KHDRBS2: variants seen among roughly 807,000 people sequenced by gnomAD.
KHDRBS2 encodes the protein KH domain-containing, RNA-binding, signal transduction-associated protein 2.
In KHDRBS2, 26 loss-of-function variants were observed where a neutral mutation model predicts 44.3. The ratio of observed to expected loss-of-function variants is 0.59; its 90% confidence interval spans 0.43 to 0.81. The LOEUF (loss-of-function observed/expected upper bound fraction) is 0.81. Ranked by LOEUF, KHDRBS2 falls within the 40% of genes least tolerant of loss-of-function variation. The pLI is 0.00. For missense variants in KHDRBS2, 476 were observed against 433.1 expected, an observed-to-expected ratio of 1.10 and a Z score of -0.88; for synonymous variants, 194 against 151.1, an observed-to-expected ratio of 1.28 and a Z score of -2.08.
intron 6 of KHDRBS2, among the ~76,000 whole-genome samples, chr6:61,744,445 C>T (rs1776594970): frequency 6.6e-6 from 1 of 152,062 alleles, no homozygotes; most frequent in Non-Finnish European, 1.5e-5. Flanking sequence ...AAGTGCAGTC[C>T]TGATAAATCA....
At chr6:61,646,321 G>C in the KHDRBS2 span, among the ~76,000 whole-genome samples, 53 of 152,238 alleles carry the variant, frequency 3.5e-4, no homozygotes, top group African/African-American at 1.2e-3. Context: ...AGAGTAACAA[G>C]TCTCTTAACA....
At chr6:61,980,609 A>G (rs1434225367) in intron 3 of KHDRBS2, among the ~76,000 whole-genome samples, 1 of 152,192 alleles carries the variant, frequency 6.6e-6, no homozygotes, top group African/African-American at 2.4e-5. Flanking sequence ...TTATCAAACA[A>G]GATGGGCCTA....
chr6:62,137,094 G>A (rs551644540), intron 2 of KHDRBS2, among the ~76,000 whole-genome samples: 17 of 141,470 alleles, frequency 1.2e-4, no homozygotes, highest in African/African-American at 2.1e-4. Flanking sequence ...TCCGCCTCCC[G>A]GGTTCACGCC....
At chr6:62,278,909 A>C (rs1471852621) in intron 1 of KHDRBS2, among the ~76,000 whole-genome samples, 1 of 152,022 alleles carries the variant, frequency 6.6e-6, no homozygotes, top group Non-Finnish European at 1.5e-5. Context: ...CCTGGTTAAC[A>C]CGGTGAAACC....
intron 2 of KHDRBS2, among the ~76,000 whole-genome samples, chr6:62,057,324 T>C (rs867824058): frequency 1.3e-5 from 2 of 151,870 alleles, no homozygotes; most frequent in Non-Finnish European, 2.9e-5. Flanking sequence ...AAAGATCAGA[T>C]ACCATTTCTA....
At chr6:61,945,226 A>T (rs967083604) in intron 4 of KHDRBS2, among the ~76,000 whole-genome samples, 1 of 145,594 alleles carries the variant, frequency 6.9e-6, no homozygotes, top group African/African-American at 2.5e-5. Flanking sequence ...AAAAACTCTC[A>T]TTTAACATCT....
intron 1 of KHDRBS2, among the ~76,000 whole-genome samples, chr6:62,241,257 A>G (rs1466364264): frequency 1.3e-5 from 2 of 152,170 alleles, no homozygotes; most frequent in Admixed American, 1.3e-4. Context: ...TGACAGTGAA[A>G]CTACATATCG....
intron 6 of KHDRBS2, among the ~76,000 whole-genome samples, chr6:61,860,694 C>T (rs184306748): frequency 6.6e-6 from 1 of 152,104 alleles, no homozygotes; most frequent in East Asian, 1.9e-4. Flanking sequence ...ATGCATGTGT[C>T]TTTAAAATAG....
the KHDRBS2 span, among the ~76,000 whole-genome samples, chr6:61,587,134 T>A: frequency 1.3e-5 from 2 of 152,180 alleles, no homozygotes; most frequent in African/African-American, 4.8e-5. Context: ...ATCACTCTCC[T>A]GATAGCAAGC....
chr6:61,616,144 C>T, the KHDRBS2 span, among the ~76,000 whole-genome samples: 1 of 152,112 alleles, frequency 6.6e-6, no homozygotes, highest in Non-Finnish European at 1.5e-5. Flanking sequence ...CCTGTGTCTC[C>T]TGAACTAGCA....
the KHDRBS2 span, among the ~76,000 whole-genome samples, chr6:61,557,629 G>T: frequency 8.5e-3 from 1,289 of 152,234 alleles, 26 homozygotes; most frequent in African/African-American, 0.03. Flanking sequence ...TTGATATCAG[G>T]ATAATAGTAG....
At chr6:62,026,720 T>C (rs1291813115) in intron 3 of KHDRBS2, among the ~76,000 whole-genome samples, 1 of 152,016 alleles carries the variant, frequency 6.6e-6, no homozygotes. Context: ...GCCCAGTGCT[T>C]TTCTGCATAA....
intron 1 of KHDRBS2, among the ~76,000 whole-genome samples, chr6:62,211,777 A>T (rs1051124157): frequency 6.6e-6 from 1 of 152,212 alleles, no homozygotes; most frequent in Non-Finnish European, 1.5e-5. Context: ...AGAGAGAAAC[A>T]TCATTTAACC....
chr6:62,259,517 C>T (rs756247921), intron 1 of KHDRBS2, among the ~76,000 whole-genome samples: 1 of 151,630 alleles, frequency 6.6e-6, no homozygotes, highest in Non-Finnish European at 1.5e-5. Flanking sequence ...GATGAATAAA[C>T]ACCCTTGTAC....
chr6:61,587,232 G>A, the KHDRBS2 span, among the ~76,000 whole-genome samples: 2 of 152,280 alleles, frequency 1.3e-5, no homozygotes. Flanking sequence ...TTCTTTTGGA[G>A]CTGCCAATTC....
In KHDRBS2 at chr6:61,680,316, G is replaced by T. The variant is rs1168038499; in HGVS notation, c.*647C>A. The T allele has an allele frequency of 6.6e-6, 1 of 151,812 alleles. No individual in the cohort carries two copies. The highest frequency in any genetic ancestry group is 1.9e-4 in the East Asian group (1 of 5,130). The allele number at this position is 151,812 out of a possible 1,614,324, so 9.4% of individuals were successfully genotyped here. A position where few individuals can be genotyped will look rare whatever the true frequency, so the allele number is the denominator to read the frequency against. On this transcript the variant is annotated 3_prime_UTR_variant, in exon 9 of 9. Coordinates refer to ENST00000281156, the MANE Select transcript of KHDRBS2 (RefSeq NM_152688.4). ...AAATTGTGGTTTCCTATTTAGAGAA[G>T]CTTACACATGGAACTTTATGTGTGT...
chr6:62,015,476 A>G (rs2127274300), intron 3 of KHDRBS2, among the ~76,000 whole-genome samples: 1 of 152,174 alleles, frequency 6.6e-6, no homozygotes, highest in Admixed American at 6.6e-5. Context: ...AGGCAGTACT[A>G]TGTAGTCTAT....
chr6:61,844,257 G>A (rs994000889), intron 6 of KHDRBS2, among the ~76,000 whole-genome samples: 1 of 151,974 alleles, frequency 6.6e-6, no homozygotes, highest in East Asian at 1.9e-4. Flanking sequence ...CCTCTGTTCC[G>A]ACCTCTCTAA....
chr6:61,772,726 G>C lies in KHDRBS2; in HGVS notation c.811-39962C>G, dbSNP rs568685830. ...ACATATGTATACATGTGCCACGCTG[G>C]TGTGCTGAACCCATTAACTCATCAT... is the stretch of plus-strand genomic sequence containing the variant. On this transcript the variant is annotated intron_variant, in intron 6 of 8. Coordinates refer to ENST00000281156, the MANE Select transcript of KHDRBS2 (RefSeq NM_152688.4). 3.1e-3 allele frequency among the ~76,000 whole-genome samples: 473 copies of C among 151,974 alleles called. 1 individual carries two copies. Among genetic ancestry groups the C allele is most frequent in the Non-Finnish European group, 4.4e-3 (302 of 67,980 alleles).
Sources: allele counts gnomAD v4.1 joint callset (sites outside exome capture counted in the v4.1 genomes callset), GRCh38; gene constraint gnomAD v4.1.1; transcripts MANE v1.5; gene names NCBI Gene and HGNC (gene_info 2026-07-23, HGNC 2026-07-21).